Variants in KIF7 observed in about 807,000 individuals in gnomAD.
KIF7 encodes the protein kinesin family member 7, also known as kinesin-like protein KIF7.
Under a neutral mutation model 135.7 loss-of-function variants are expected in KIF7, and 104 were observed. The observed-to-expected ratio is 0.77, with a 90% CI of 0.65 to 0.90. The LOEUF is 0.90. Ranked by LOEUF, KIF7 falls within the 40% of genes least tolerant of loss-of-function variation. The pLI is 0.00. For synonymous variants in KIF7, 883 were observed against 809.4 expected (o/e 1.09, Z -1.54); for missense variants, 2,005 against 1,839.1 (o/e 1.09, Z -1.65).
rs551614094 is a variant in KIF7, at chr15:89,635,082, G to A, written c.2395-1199C>T. Among the ~76,000 whole-genome samples the A allele has an allele frequency of 5.1e-3, 765 of 150,622 alleles. 8 individuals carry two copies. Among genetic ancestry groups the A allele is most frequent in the African/African-American group, 0.018 (727 of 40,020 alleles). ...GCAGGGGCAGACTGACACCTCACAC[G>A]GCCGGGTACTCCAACAGACCTGCAG... On this transcript the variant is annotated intron_variant, in intron 11 of 18. Transcript: ENST00000394412.
chr15:89,660,186 G>T (rs1964244326), upstream of KIF7, among the ~76,000 whole-genome samples: 1 of 152,178 alleles, frequency 6.6e-6, no homozygotes, highest in Non-Finnish European at 1.5e-5. Flanking sequence ...GGACTAGAAT[G>T]AAACTTGGTC....
At chr15:89,641,072 A>C (rs1030666643) in intron 11 of KIF7, among the ~76,000 whole-genome samples, 1 of 152,124 alleles carries the variant, frequency 6.6e-6, no homozygotes, top group African/African-American at 2.4e-5. Flanking sequence ...CAAAATTCCT[A>C]TATGAAAGCC....
chr15:89,661,744 G>C, the KIF7 span, among the ~76,000 whole-genome samples: 4 of 148,728 alleles, frequency 2.7e-5, no homozygotes, highest in East Asian at 7.8e-4. Flanking sequence ...TTTTTGAGAT[G>C]GAGTTTCGCT....
chr15:89,647,466 ACCT>A, intron 6 of KIF7, 127 bp downstream of exon 6: 1 of 803,014 alleles, frequency 1.2e-6, no homozygotes, highest in Admixed American at 1.9e-5. Context: ...GCTCATGTGC[ACCT>A]CCTGACTCTA....
intron 3 of KIF7, among the ~76,000 whole-genome samples, 156 bp from the exon 4 acceptor site, chr15:89,649,523 AG>A (rs1964088742): frequency 6.6e-6 from 1 of 152,070 alleles, no homozygotes; most frequent in African/African-American, 2.4e-5. Context: ...TTCCGGCTTG[AG>A]GGGCTCCGGC....
chr15:89,631,245 C>A (rs916687906), intron 15 of KIF7, among the ~76,000 whole-genome samples: 3 of 152,232 alleles, frequency 2.0e-5, no homozygotes, highest in African/African-American at 7.2e-5. Context: ...GAACAGGAGT[C>A]CAGGCTCCAG....
downstream of KIF7, chr15:89,624,419 T>G (rs371861797): frequency 6.2e-7 from 1 of 1,614,172 alleles, no homozygotes; most frequent in East Asian, 2.2e-5. Context: ...AGAGCTACAT[T>G]GGACACCGTC....
chr15:89,625,292 A>G, downstream of KIF7: 1 of 1,613,796 alleles, frequency 6.2e-7, no homozygotes, highest in Non-Finnish European at 8.5e-7. Context: ...TCTCCATTTC[A>G]AACAGATGGG....
chr15:89,624,345 G>A, downstream of KIF7: 1 of 1,614,134 alleles, frequency 6.2e-7, no homozygotes, highest in South Asian at 1.1e-5. Flanking sequence ...AGCCCCAGAT[G>A]TCACCCAGCG....
rs144929293 is a variant in KIF7 at position 89,628,713 on chromosome 15, G to T, written c.3738C>A (p.Pro1246=). ...PGNEDELHLA[P]ELLWLSPLTE... ...TGAGGGGGGACAGCCAGAGAAGCTC[G>T]GGTGCCAGGTGGAGCTCATCTTCAT... The change falls in exon 19 of 19, where the codon CCC becomes CCA. Residue 1246 remains proline (P), a synonymous_variant. Coordinates refer to ENST00000394412, the MANE Select transcript of KIF7 (RefSeq NM_198525.3). The T allele has an allele frequency of 1.9e-6, 3 of 1,612,930 alleles. No individual in the cohort carries two copies. The highest frequency in any genetic ancestry group is 2.5e-6 in the Non-Finnish European group (3 of 1,179,938).
rs2141994017 is a variant in KIF7 at position 89,629,420 on chromosome 15, TCTG to T, written c.3469_3471del (p.Gln1157del). ...AGCTGCATGTTCTGCTCGTGCTCCTTCTGCTGCAGGGTCAGCTGGCGGTCCATC... is the reference window on the plus strand; with the variant it reads ...AGCTGCATGTTCTGCTCGTGCTCCTTCTGCAGGGTCAGCTGGCGGTCCATC... On this transcript the variant is annotated inframe_deletion, in exon 17 of 19. Coordinates refer to ENST00000394412, the MANE Select transcript of KIF7 (RefSeq NM_198525.3). 6.2e-7 allele frequency: 1 copy of T among 1,607,420 alleles called. No individual in the cohort carries two copies. Among genetic ancestry groups the T allele is most frequent in the South Asian group, 1.1e-5 (1 of 91,066 alleles).
chr15:89,634,831 C>T (rs184721479), intron 11 of KIF7, among the ~76,000 whole-genome samples: 235 of 152,326 alleles, frequency 1.5e-3, no homozygotes, highest in African/African-American at 4.6e-3. Flanking sequence ...CACCACAGCT[C>T]AAGGAGGCCT....
chr15:89,635,011 TCCTGACC>T (rs1963774257), intron 11 of KIF7, among the ~76,000 whole-genome samples: 1 of 152,224 alleles, frequency 6.6e-6, no homozygotes, highest in Non-Finnish European at 1.5e-5. Flanking sequence ...TCAAGTGGGT[TCCTGACC>T]CCTGACCTCC....
chr15:89,634,407 C>A (rs1021908083), intron 11 of KIF7, among the ~76,000 whole-genome samples: 1 of 152,200 alleles, frequency 6.6e-6, no homozygotes, highest in Non-Finnish European at 1.5e-5. Context: ...GCATTTCCAT[C>A]TGAGGTACTG....
intron 11 of KIF7, among the ~76,000 whole-genome samples, chr15:89,638,372 A>G (rs927859847): frequency 3.4e-5 from 5 of 147,888 alleles, no homozygotes; most frequent in Non-Finnish European, 1.5e-5. Flanking sequence ...CTGTTTGCAG[A>G]TGACATGATT....
chr15:89,642,977 G>A (rs987672798), intron 10 of KIF7, among the ~76,000 whole-genome samples: 2 of 152,222 alleles, frequency 1.3e-5, no homozygotes, highest in Non-Finnish European at 2.9e-5. Context: ...ACCTGAACCT[G>A]TATATAATTA....
downstream of KIF7, chr15:89,627,290 G>C (rs1195926996): frequency 3.2e-6 from 2 of 617,084 alleles, no homozygotes; most frequent in East Asian, 5.7e-5. Flanking sequence ...CAGGAGGAGA[G>C]GTGGATGGCA....
rs1331056261 is a variant in KIF7, at chr15:89,645,901, G to A, written c.1914C>T (p.His638=). The A allele has an allele frequency of 6.2e-7, 1 of 1,613,474 alleles. No individual in the cohort carries two copies. The highest frequency in any genetic ancestry group is 8.5e-7 in the Non-Finnish European group (1 of 1,179,940). ...EEEEPPRRTL[H]LRRNRISNCS... is the part of the protein sequence containing the mutation. ...CAGTGGGTCCCACTCACCTGCGCAG[G>A]TGTAAGGTCCGCCTGGGCGGCTCCT... Residue 638 remains histidine, a synonymous_variant, in exon 8 of 19, where the codon CAC becomes CAT. Coordinates refer to ENST00000394412, the MANE Select transcript of KIF7 (RefSeq NM_198525.3).
Position 89,652,943 on chromosome 15 carries a change from C to G in KIF7, c.-13G>C, listed in dbSNP as rs751146404. The G allele has an allele frequency of 2.0e-6, 3 of 1,490,114 alleles. No individual in the cohort carries two copies. The highest frequency in any genetic ancestry group is 1.4e-5 in the African/African-American group (1 of 71,946). The allele number at this position is 1,490,114 out of a possible 1,614,324, so 92.3% of individuals were successfully genotyped here. A position where few individuals can be genotyped will look rare whatever the true frequency, so the allele number is the denominator to read the frequency against. On this transcript the variant is annotated 5_prime_UTR_variant, in exon 2 of 19. Transcript: ENST00000394412. ...CCTCCAGCCCCATGCCGAGGGAGGACTGCTCTGGGCCCTGTGGAGAGAGAG... is the reference window on the plus strand; with the variant it reads ...CCTCCAGCCCCATGCCGAGGGAGGAGTGCTCTGGGCCCTGTGGAGAGAGAG...
Sources: gnomAD v4.1 joint callset for allele counts (sites outside exome capture counted in the v4.1 genomes callset) on GRCh38, gnomAD v4.1.1 for gene constraint, MANE v1.5 for transcripts, NCBI Gene and HGNC (gene_info 2026-07-23, HGNC 2026-07-21) for gene names.